The following PROM1 variants were observed in gnomAD, a reference collection of about 807,000 sequenced individuals.
The protein encoded by PROM1 is prominin 1.
A neutral mutation model predicts 116.9 loss-of-function variants in PROM1; 105 were observed. The observed-to-expected ratio is 0.90, with a 90% confidence interval of 0.77 to 1.06. The LOEUF is 1.06. Among genes scored for constraint, PROM1 ranks in the 50% least tolerant of loss-of-function variants. The pLI, the probability that PROM1 is intolerant of heterozygous loss-of-function variation, is 0.00. For synonymous variants in PROM1, 393 were observed against 387.0 expected, an observed-to-expected ratio of 1.02 and a Z score of -0.18; for missense variants, 1,122 against 1,045.2, an observed-to-expected ratio of 1.07 and a Z score of -1.01.
intron 20 of PROM1, 149 bp downstream of exon 20, chr4:15,987,514 T>C: frequency 1.2e-6 from 1 of 800,272 alleles, no homozygotes; most frequent in South Asian, 1.6e-5. Flanking sequence ...AAGGAAATAG[T>C]AGGAAAGCCC....
intron 8 of PROM1, among the ~76,000 whole-genome samples, chr4:16,021,088 C>T (rs1156882727): frequency 1.1e-5 from 1 of 87,400 alleles, no homozygotes; most frequent in South Asian, 4.0e-4. Context: ...GGCTGCAAAT[C>T]ATTTTTAGCC....
intron 2 of PROM1, among the ~76,000 whole-genome samples, chr4:16,072,486 G>T (rs1477919677): frequency 1.3e-5 from 2 of 152,186 alleles, no homozygotes; most frequent in East Asian, 1.9e-4. Context: ...CAGTGAAAGA[G>T]ATCTGACCTA....
intron 5 of PROM1, among the ~76,000 whole-genome samples, chr4:16,028,803 CAT>C (rs1560523767): frequency 6.6e-6 from 1 of 152,162 alleles, no homozygotes. Flanking sequence ...CAATCTAAAA[CAT>C]ATGCTTTTAA....
At chr4:16,044,714 T>C (rs1736111399) in intron 2 of PROM1, among the ~76,000 whole-genome samples, 1 of 152,236 alleles carries the variant, frequency 6.6e-6, no homozygotes, top group Non-Finnish European at 1.5e-5. Context: ...ATCATTTTTG[T>C]AAATTAAATA....
chr4:16,008,782 G>A (rs1268173892), intron 12 of PROM1, among the ~76,000 whole-genome samples, 167 bp downstream of exon 12: 3 of 152,180 alleles, frequency 2.0e-5, no homozygotes, highest in South Asian at 2.1e-4. Flanking sequence ...TGGTCTAAGC[G>A]AGCACTTCAA....
At chr4:16,024,398 T>G (rs1260546598) in intron 6 of PROM1, 40 bp from the exon 7 acceptor site, 3 of 1,541,456 alleles carry the variant, frequency 1.9e-6, no homozygotes, top group Non-Finnish European at 2.7e-6. Flanking sequence ...CCTTCTAAGG[T>G]CCAAAGGCAA....
At chr4:16,011,978 TC>T (rs1371923381) in intron 11 of PROM1, among the ~76,000 whole-genome samples, 1 of 152,126 alleles carries the variant, frequency 6.6e-6, no homozygotes, top group Non-Finnish European at 1.5e-5. Context: ...TTCAGAGATT[TC>T]TTTTCTTTTC....
intron 3 of PROM1, 55 bp downstream of exon 3, chr4:16,038,890 CA>C: frequency 7.0e-7 from 1 of 1,421,250 alleles, no homozygotes; most frequent in South Asian, 1.6e-5. Flanking sequence ...TCAAGTCAGC[CA>C]AAATTTTTCT....
At position 15,998,290 on chromosome 4, in the gene PROM1, A is replaced by G. The variant is rs551334671; in HGVS notation, c.1682+95T>C. 9.7e-5 allele frequency: 139 copies of G among 1,434,728 alleles called. No homozygotes were observed. The South Asian group carries it at 1.6e-3, about 17-fold the overall frequency. 88.9% of individuals were successfully genotyped at this position (1,434,728 alleles called of 1,614,324 possible). A position where few individuals can be genotyped will look rare whatever the true frequency, so the allele number is the denominator to read the frequency against. ...AGCTTATCTCTGAAACATGAAAGTC[A>G]TATAATTAAGATTTAAAAACACTTC... On this transcript the variant is annotated intron_variant, in intron 15 of 27. Coordinates refer to ENST00000447510, the MANE Select transcript of PROM1 (RefSeq NM_006017.3).
intron 1 of PROM1, among the ~76,000 whole-genome samples, chr4:16,081,185 G>C (rs1744977715): frequency 6.6e-6 from 1 of 151,898 alleles, no homozygotes; most frequent in East Asian, 1.9e-4. Context: ...TTTACATTAG[G>C]TATATGTCCT....
At chr4:15,980,337 T>A in intron 24 of PROM1, 85 bp downstream of exon 24, 16 of 779,812 alleles carry the variant, frequency 2.1e-5, no homozygotes, top group Middle Eastern at 2.4e-4. Context: ...AACTTTAACC[T>A]CATCAGAACT....
In PROM1 at chr4:15,980,009, CA is replaced by C. The variant is rs1198584041; in HGVS notation, c.2490-106del. The C allele has an allele frequency of 1.7e-5, 12 of 713,858 alleles. No individual in the cohort carries two copies. The African/African-American group carries it at 2.0e-4, about 12-fold the overall frequency. 44.2% of individuals were successfully genotyped at this position (713,858 alleles called of 1,614,324 possible). The stretch of plus-strand genomic sequence containing the variant: ...TACTCTAACACGGATACTGACAGTG[CA>C]AACTCAGGAAAGACCCATGTTGAAA... On this transcript the variant is annotated intron_variant, in intron 24 of 27. Coordinates refer to ENST00000447510, the MANE Select transcript of PROM1 (RefSeq NM_006017.3).
At chr4:15,991,133 A>G in intron 18 of PROM1, 89 bp downstream of exon 18, 1 of 1,047,890 alleles carries the variant, frequency 9.5e-7, no homozygotes, top group Non-Finnish European at 1.4e-6. Flanking sequence ...TCACAGTGTG[A>G]GGAACCTCTC....
At chr4:15,989,656 G>T in intron 19 of PROM1, 76 bp downstream of exon 19, 1 of 1,220,054 alleles carries the variant, frequency 8.2e-7, no homozygotes. Flanking sequence ...TGTGTCGTGA[G>T]GCTAAATGAA....
intron 20 of PROM1, 141 bp from the exon 21 acceptor site, chr4:15,986,178 A>C: frequency 3.3e-6 from 2 of 601,370 alleles, no homozygotes. Flanking sequence ...GACAGAACCC[A>C]CCCAGGCCCC....
chr4:16,013,210 C>G, intron 11 of PROM1, 65 bp downstream of exon 11: 1 of 1,296,664 alleles, frequency 7.7e-7, no homozygotes, highest in Non-Finnish European at 1.1e-6. Flanking sequence ...CAATGCAATA[C>G]TTGGCAACAC....
chr4:16,033,184 G>T, intron 5 of PROM1, 120 bp downstream of exon 5: 1 of 833,048 alleles, frequency 1.2e-6, no homozygotes, highest in Non-Finnish European at 1.8e-6. Flanking sequence ...TCTGTTTGGT[G>T]GGTTTTTTTT....
Position 16,023,404 on chromosome 4 carries a change from C to A in PROM1, c.706G>T (p.Val236Leu), listed in dbSNP as rs536161084. The change falls in exon 8 of 28, where the codon GTG becomes TTG. Residue 236 changes from valine (V) to leucine (L), a missense_variant. Coordinates refer to ENST00000447510, the MANE Select transcript of PROM1 (RefSeq NM_006017.3). The stretch of plus-strand genomic sequence containing the variant: ...CGGTCAAGAATTCCGCCTCCTAGCA[C>A]TGAATTGATACCTACATGCAAATAA... ...AFTDLNSINSVLGGGILDRLR... is the reference protein window; with the variant it reads ...AFTDLNSINSLLGGGILDRLR... 6.2e-7 allele frequency: 1 copy of A among 1,600,006 alleles called. No homozygotes were observed. The highest frequency in any genetic ancestry group is 2.2e-5 in the East Asian group (1 of 44,506).
At chr4:16,077,754 G>A (rs1489676512) in intron 1 of PROM1, among the ~76,000 whole-genome samples, 6 of 152,072 alleles carry the variant, frequency 3.9e-5, no homozygotes, top group Admixed American at 3.9e-4. Context: ...GAGCCACTGG[G>A]GCCCCAGCAA....
Sources: gnomAD v4.1 joint callset for allele counts (sites outside exome capture counted in the v4.1 genomes callset) on GRCh38, gnomAD v4.1.1 for gene constraint, MANE v1.5 for transcripts, NCBI Gene and HGNC (gene_info 2026-07-23, HGNC 2026-07-21) for gene names.